The following S100Z variants were observed in gnomAD, a reference collection of about 807,000 sequenced individuals.
The protein encoded by S100Z is protein S100-Z.
In S100Z, 11 loss-of-function variants were observed where a neutral mutation model predicts 8.5. The observed-to-expected ratio is 1.30, with a 90% confidence interval of 0.82 to 2.15. The LOEUF (loss-of-function observed/expected upper bound fraction) is 2.15, where lower values mean the gene tolerates loss of function less well. Among genes scored for constraint, S100Z ranks in the 30% most tolerant of loss-of-function variants. The pLI is 0.00. For missense variants in S100Z, 126 were observed against 117.9 expected (o/e 1.07, Z -0.32); for synonymous variants, 34 against 43.8 (o/e 0.78, Z 0.89).
chr5:76,866,359 A>T (rs183916585), intron 1 of S100Z, among the ~76,000 whole-genome samples: 1 of 152,312 alleles, frequency 6.6e-6, no homozygotes, highest in East Asian at 1.9e-4. Flanking sequence ...TGCTAGGATT[A>T]CAGATATGAG....
intron 1 of S100Z, among the ~76,000 whole-genome samples, chr5:76,865,362 A>G (rs1751236797): frequency 6.8e-6 from 1 of 147,982 alleles, no homozygotes; most frequent in African/African-American, 2.5e-5. Context: ...CTCCTGCCTT[A>G]GCCTCCCGAG....
intron 4 of S100Z, among the ~76,000 whole-genome samples, chr5:76,910,289 A>G (rs965361132): frequency 1.3e-5 from 2 of 152,210 alleles, no homozygotes; most frequent in African/African-American, 4.8e-5. Context: ...TGCAGCAGAT[A>G]TCAGGAGAAA....
intron 2 of S100Z, among the ~76,000 whole-genome samples, chr5:76,870,987 C>T (rs1037933017): frequency 6.6e-6 from 1 of 152,086 alleles, no homozygotes; most frequent in African/African-American, 2.4e-5. Flanking sequence ...AAATCCTAAG[C>T]TCCTCAACTG....
intron 2 of S100Z, among the ~76,000 whole-genome samples, chr5:76,871,309 A>C (rs2150634928): frequency 6.6e-6 from 1 of 152,296 alleles, no homozygotes; most frequent in Admixed American, 6.5e-5. Context: ...ATCTAGGAGA[A>C]ATTAACTAGG....
intron 4 of S100Z, among the ~76,000 whole-genome samples, chr5:76,888,776 G>C (rs1257308549): frequency 6.6e-6 from 1 of 152,204 alleles, no homozygotes; most frequent in Non-Finnish European, 1.5e-5. Flanking sequence ...GGCTCTTAGA[G>C]CCAGGCCAGC....
chr5:76,869,392 C>T (rs1362909729), intron 1 of S100Z, among the ~76,000 whole-genome samples: 1 of 152,020 alleles, frequency 6.6e-6, no homozygotes, highest in Non-Finnish European at 1.5e-5. Context: ...AGGAAAATGT[C>T]CAAGAGGAGA....
At chr5:76,882,127 G>A (rs1743421834) in intron 4 of S100Z, among the ~76,000 whole-genome samples, 1 of 152,136 alleles carries the variant, frequency 6.6e-6, no homozygotes, top group South Asian at 2.1e-4. Flanking sequence ...GTGGAGGGGG[G>A]CAGAAATTAT....
chr5:76,916,116 G>A (rs1466900121), intron 4 of S100Z, among the ~76,000 whole-genome samples: 2 of 147,314 alleles, frequency 1.4e-5, no homozygotes, highest in Non-Finnish European at 3.0e-5. Context: ...AGCCGAGATT[G>A]TGCCACTGCA....
At chr5:76,908,269 G>A (rs1744525676) in intron 4 of S100Z, among the ~76,000 whole-genome samples, 2 of 152,228 alleles carry the variant, frequency 1.3e-5, no homozygotes, top group Admixed American at 1.3e-4. Context: ...AAGCCATTCA[G>A]CTTCGGGGTC....
At chr5:76,914,715 C>T (rs1254707196) in intron 4 of S100Z, among the ~76,000 whole-genome samples, 10 of 152,058 alleles carry the variant, frequency 6.6e-5, no homozygotes, top group South Asian at 2.1e-4. Context: ...TAACACTCAC[C>T]GCGAAGGTCT....
chr5:76,854,852 C>T (rs1444883520), intron 1 of S100Z, among the ~76,000 whole-genome samples: 1 of 152,216 alleles, frequency 6.6e-6, no homozygotes, highest in Non-Finnish European at 1.5e-5. Context: ...GCCCAAAGGC[C>T]TAGGAGGGAA....
intron 1 of S100Z, among the ~76,000 whole-genome samples, chr5:76,866,011 T>C (rs894503610): frequency 6.7e-6 from 1 of 148,538 alleles, no homozygotes; most frequent in African/African-American, 2.5e-5. Context: ...TGAGACTCCA[T>C]CTCAAAGAAA....
the S100Z span, among the ~76,000 whole-genome samples, chr5:76,941,688 T>C: frequency 1.3e-5 from 2 of 151,616 alleles, no homozygotes; most frequent in African/African-American, 2.4e-5. Context: ...TTCTCCACTG[T>C]AGAGTTACTC....
At chr5:76,867,986 G>A (rs1323232673) in intron 1 of S100Z, among the ~76,000 whole-genome samples, 3 of 152,152 alleles carry the variant, frequency 2.0e-5, no homozygotes, top group East Asian at 1.9e-4. Flanking sequence ...TACCAAAATT[G>A]CAAAGTGCAA....
At chr5:76,850,279 G>A in intron 1 of S100Z, 124 bp downstream of exon 1, 1 of 142,990 alleles carries the variant, frequency 7.0e-6, no homozygotes, top group East Asian at 2.3e-4. Context: ...GTTGCCTTGG[G>A]GCTTCCACTC....
At chr5:76,930,425 C>T in the S100Z span, among the ~76,000 whole-genome samples, 1 of 152,160 alleles carries the variant, frequency 6.6e-6, no homozygotes, top group Non-Finnish European at 1.5e-5. Context: ...AGAACCAGGA[C>T]TGAACTTAGG....
chr5:76,907,142 C>G (rs1331877676), intron 4 of S100Z, among the ~76,000 whole-genome samples: 1 of 151,006 alleles, frequency 6.6e-6, no homozygotes, highest in Non-Finnish European at 1.5e-5. Context: ...TCAATATTAT[C>G]AAGACTATCC....
At chr5:76,951,025 AT>A in the S100Z span, among the ~76,000 whole-genome samples, 131 of 146,952 alleles carry the variant, frequency 8.9e-4, no homozygotes, top group Admixed American at 1.3e-3. Flanking sequence ...ATTACCATTA[AT>A]TTTTTTTTTT....
intron 3 of S100Z, among the ~76,000 whole-genome samples, chr5:76,876,068 TA>T (rs1480885849): frequency 6.6e-6 from 1 of 152,162 alleles, no homozygotes; most frequent in African/African-American, 2.4e-5. Context: ...TTTGAGAGAT[TA>T]ATATATGAAG....
Sources: gnomAD v4.1 joint callset for allele counts (sites outside exome capture counted in the v4.1 genomes callset) on GRCh38, gnomAD v4.1.1 for gene constraint, MANE v1.5 for transcripts, NCBI Gene and HGNC (gene_info 2026-07-23, HGNC 2026-07-21) for gene names.